Variants in BAZ2B observed in about 807,000 individuals in gnomAD.
The protein encoded by BAZ2B is bromodomain adjacent to zinc finger domain protein 2B.
In BAZ2B, 91 loss-of-function variants were observed where a neutral mutation model predicts 246.0. The observed-to-expected ratio is 0.37, with a 90% CI of 0.31 to 0.44. The LOEUF (loss-of-function observed/expected upper bound fraction) is 0.44. BAZ2B is among the 20% of genes least tolerant of loss of function. The probability of loss-of-function intolerance (pLI) is 1.00; values close to 1 mark genes in which losing one functional copy is unlikely to be tolerated. For missense variants in BAZ2B, 2,332 were observed against 2,533.7 expected (o/e 0.92, Z 1.71); for synonymous variants, 855 against 860.0 (o/e 0.99, Z 0.10).
At chr2:159,406,454 C>A (rs1008013644) in intron 14 of BAZ2B, among the ~76,000 whole-genome samples, 1 of 152,178 alleles carries the variant, frequency 6.6e-6, no homozygotes, top group African/African-American at 2.4e-5. Context: ...TGTTACCAAG[C>A]ATTACTGTGG....
At chr2:159,534,660 G>A (rs1165081357) in intron 2 of BAZ2B, among the ~76,000 whole-genome samples, 1 of 148,442 alleles carries the variant, frequency 6.7e-6, no homozygotes, top group Non-Finnish European at 1.5e-5. Context: ...ACGGAGTCTC[G>A]CTCTGTCGCC....
At chr2:159,388,136 A>G (rs973080528) in intron 21 of BAZ2B, among the ~76,000 whole-genome samples, 1 of 151,822 alleles carries the variant, frequency 6.6e-6, no homozygotes, top group African/African-American at 2.4e-5. Flanking sequence ...TAATAATAAA[A>G]TAAAATAAAA....
chr2:159,485,855 T>C (rs2079767359), intron 2 of BAZ2B, among the ~76,000 whole-genome samples: 1 of 152,114 alleles, frequency 6.6e-6, no homozygotes, highest in African/African-American at 2.4e-5. Context: ...TTCTGTTAAA[T>C]CTTTTAAAGA....
At chr2:159,520,570 T>A (rs1013582228) in intron 2 of BAZ2B, among the ~76,000 whole-genome samples, 12 of 152,208 alleles carry the variant, frequency 7.9e-5, no homozygotes, top group African/African-American at 2.4e-4. Context: ...AAACTTACTA[T>A]AATGCATTAA....
chr2:159,453,839 A>T (rs1169993127), intron 3 of BAZ2B, 38 bp from the exon 4 acceptor site: 2 of 1,481,024 alleles, frequency 1.4e-6, no homozygotes, highest in Non-Finnish European at 1.8e-6. Flanking sequence ...TTGTACTATA[A>T]AAAACAGATG....
At chr2:159,526,718 T>C (rs1199861684) in intron 2 of BAZ2B, among the ~76,000 whole-genome samples, 2 of 151,980 alleles carry the variant, frequency 1.3e-5, no homozygotes, top group African/African-American at 2.4e-5. Context: ...TGGCAGATCA[T>C]GAAACAAGCC....
At chr2:159,418,632 T>C (rs1042709247) in intron 13 of BAZ2B, among the ~76,000 whole-genome samples, 3 of 152,158 alleles carry the variant, frequency 2.0e-5, no homozygotes, top group African/African-American at 7.2e-5. Flanking sequence ...AGTATATAAT[T>C]ATGTAAATAC....
chr2:159,337,542 G>A lies in BAZ2B; in HGVS notation c.5660+25C>T, dbSNP rs745634469. 8 of 1,613,898 alleles carry A rather than the reference G, an allele frequency of 5.0e-6. No homozygotes were observed. In the Admixed American group the frequency reaches 1.0e-4, roughly 20 times the overall value. ...CATTATCCAGTTTGATCTGAATGGT[G>A]GTACTTAAGGGGCTCTTCAGATACC... is the stretch of plus-strand genomic sequence containing the variant. On this transcript the variant is annotated intron_variant, in intron 32 of 36. Coordinates refer to ENST00000392783, the MANE Select transcript of BAZ2B (RefSeq NM_013450.4).
At chr2:159,468,374 T>C (rs1320904500) in intron 3 of BAZ2B, among the ~76,000 whole-genome samples, 1 of 152,080 alleles carries the variant, frequency 6.6e-6, no homozygotes, top group Non-Finnish European at 1.5e-5. Flanking sequence ...AGGAGACCCA[T>C]CTCTGCCTAA....
At chr2:159,658,900 C>T in the BAZ2B span, among the ~76,000 whole-genome samples, 4 of 152,060 alleles carry the variant, frequency 2.6e-5, no homozygotes, top group Admixed American at 6.6e-5. Context: ...GCAATCCTCC[C>T]GCCTCGACCT....
At chr2:159,325,075 TATTA>T (rs1353488312) in intron 35 of BAZ2B, 121 bp from the exon 36 acceptor site, 1 of 1,896 alleles carries the variant, frequency 5.3e-4, no homozygotes, top group African/African-American at 1.9e-3. Flanking sequence ...TATATATATA[TATTA>T]TATATATATA....
At position 159,321,754 on chromosome 2, in the gene BAZ2B, C is replaced by T. The variant is rs961617195; in HGVS notation, c.6354-1336G>A. Reference sequence around the variant, plus strand: ...AGAGTAGAAGGATGGTTACCAGAGGCTGGGAACTGCAGTGGGGAGGTGGGG... The same window carrying T: ...AGAGTAGAAGGATGGTTACCAGAGGTTGGGAACTGCAGTGGGGAGGTGGGG... On this transcript the variant is annotated intron_variant, in intron 36 of 36. Coordinates refer to ENST00000392783, the MANE Select transcript of BAZ2B (RefSeq NM_013450.4). 2.6e-5 allele frequency: 4 copies of T among 151,960 alleles called. No homozygotes were observed. In the East Asian group the frequency reaches 5.8e-4, roughly 22 times the overall value. 9.4% of individuals were successfully genotyped at this position (151,960 alleles called of 1,614,324 possible). A position where few individuals can be genotyped will look rare whatever the true frequency, so the allele number is the denominator to read the frequency against.
At chr2:159,708,565 ATTT>A in the BAZ2B span, among the ~76,000 whole-genome samples, 1 of 64,904 alleles carries the variant, frequency 1.5e-5, no homozygotes, top group Non-Finnish European at 3.3e-5. Context: ...TTATTTATTT[ATTT>A]ATTTATTTAT....
chr2:159,652,971 T>A, the BAZ2B span, among the ~76,000 whole-genome samples: 1 of 151,148 alleles, frequency 6.6e-6, no homozygotes, highest in Non-Finnish European at 1.5e-5. Context: ...GGAGTCTCAC[T>A]CTGTCACACA....
the BAZ2B span, among the ~76,000 whole-genome samples, chr2:159,700,666 C>T: frequency 8.0e-4 from 122 of 152,236 alleles, no homozygotes; most frequent in African/African-American, 2.5e-3. Context: ...AGGCTGGTCT[C>T]GAACTCCTGA....
In BAZ2B at chr2:159,337,558, T is replaced by C. The variant is rs2065886301; in HGVS notation, c.5660+9A>G. 6.2e-7 allele frequency: 1 copy of C among 1,614,128 alleles called. No homozygotes were observed. Among genetic ancestry groups the C allele is most frequent in the African/African-American group, 1.3e-5 (1 of 75,060 alleles). ...CTGAATGGTGGTACTTAAGGGGCTC[T>C]TCAGATACCTTCTTTCAATGTTCCG... On this transcript the variant is annotated intron_variant, in intron 32 of 36. Coordinates refer to ENST00000392783, the MANE Select transcript of BAZ2B (RefSeq NM_013450.4).
intron 14 of BAZ2B, among the ~76,000 whole-genome samples, chr2:159,405,709 CTTAT>C (rs886201549): frequency 2.9e-5 from 3 of 103,284 alleles, no homozygotes; most frequent in African/African-American, 5.9e-5. Context: ...ATCAGAGAGG[CTTAT>C]TTAAGTACAT....
intron 27 of BAZ2B, among the ~76,000 whole-genome samples, chr2:159,366,627 C>T (rs989967896): frequency 3.9e-5 from 6 of 152,170 alleles, no homozygotes; most frequent in East Asian, 1.9e-4. Flanking sequence ...TCATGGGAAA[C>T]GCTGCCATTG....
intron 14 of BAZ2B, among the ~76,000 whole-genome samples, chr2:159,407,103 A>T (rs2066064607): frequency 6.6e-6 from 1 of 151,926 alleles, no homozygotes; most frequent in Non-Finnish European, 1.5e-5. Context: ...GCTACTTAAT[A>T]AGATCAACAT....
Sources: allele counts gnomAD v4.1 joint callset (sites outside exome capture counted in the v4.1 genomes callset), GRCh38; gene constraint gnomAD v4.1.1; transcripts MANE v1.5; gene names NCBI Gene and HGNC (gene_info 2026-07-23, HGNC 2026-07-21).